USP22: variants seen among roughly 807,000 people sequenced by gnomAD.
USP22 encodes ubiquitin carboxyl-terminal hydrolase 22.
A neutral mutation model predicts 68.1 loss-of-function variants in USP22; 22 were observed. That is an observed-to-expected ratio of 0.32 (90% CI 0.23 to 0.46). The LOEUF is 0.46. Ranked by LOEUF, USP22 falls within the 20% of genes least tolerant of loss-of-function variation. The pLI, the probability that USP22 is intolerant of heterozygous loss-of-function variation, is 1.00. For missense variants in USP22, 433 were observed against 695.8 expected, an observed-to-expected ratio of 0.62 and a Z score of 4.25; for synonymous variants, 279 against 274.2, an observed-to-expected ratio of 1.02 and a Z score of -0.17.
chr17:21,023,569 C>G (rs1203736199), intron 2 of USP22, among the ~76,000 whole-genome samples: 1 of 147,732 alleles, frequency 6.8e-6, no homozygotes, highest in Non-Finnish European at 1.5e-5. Context: ...GGCTTGAGCC[C>G]GGAAGGCAGA....
rs1185536009 is a variant in USP22 at position 21,028,625 on chromosome 17, T to C, written c.221A>G (p.His74Arg). ...GAAGAAGACACAGTAGAGGCAGGAA[T>C]GCAGCCTGTTGAGGTGGACGCCACA... ...HVCGVHLNRL[H>R]SCLYCVFFGC... Residue 74 changes from histidine (H) to arginine (R), a missense_variant, in exon 2 of 13, where the codon CAT becomes CGT. Transcript: ENST00000261497. The C allele has an allele frequency of 6.2e-7, 1 of 1,613,922 alleles. No individual in the cohort carries two copies. Among genetic ancestry groups the C allele is most frequent in the Non-Finnish European group, 8.5e-7 (1 of 1,180,030 alleles).
intron 6 of USP22, 47 bp from the exon 7 acceptor site, chr17:21,012,982 G>A (rs746339761): frequency 6.3e-7 from 1 of 1,584,938 alleles, no homozygotes; most frequent in South Asian, 1.1e-5. Flanking sequence ...CCAAATATGG[G>A]GAGTCTCTAA....
At chr17:21,039,839 G>C (rs189338364) in intron 1 of USP22, among the ~76,000 whole-genome samples, 87 of 152,334 alleles carry the variant, frequency 5.7e-4, no homozygotes, top group Non-Finnish European at 1.0e-3. Context: ...GATAGGTTTT[G>C]TTGTCCAGGC....
intron 3 of USP22, 75 bp from the exon 4 acceptor site, chr17:21,019,260 TG>T: frequency 6.9e-7 from 1 of 1,443,214 alleles, no homozygotes; most frequent in East Asian, 2.3e-5. Context: ...ATAAAAGCTG[TG>T]GCGCTATGCT....
rs377386294 is a variant in USP22 at position 21,026,510 on chromosome 17, G to C, written c.304+2032C>G. ...TGCTAATTTTTAAATTTTTTGTAGA[G>C]ACAGGATTTCACCATGTTGTCCAGA... On this transcript the variant is annotated intron_variant, in intron 2 of 12. Coordinates refer to ENST00000261497, the MANE Select transcript of USP22 (RefSeq NM_015276.2). Among the ~76,000 whole-genome samples the C allele has an allele frequency of 5.9e-5, 9 of 152,110 alleles. No homozygotes were observed. In the East Asian group the frequency reaches 1.7e-3, roughly 30 times the overall value.
intron 6 of USP22, among the ~76,000 whole-genome samples, chr17:21,014,001 G>A (rs1299863659): frequency 6.6e-6 from 1 of 152,272 alleles, no homozygotes; most frequent in Non-Finnish European, 1.5e-5. Context: ...TTGAACCTGG[G>A]AGGCGGAGGT....
intron 9 of USP22, among the ~76,000 whole-genome samples, chr17:21,007,245 C>A (rs764638474): frequency 5.9e-5 from 9 of 152,158 alleles, no homozygotes; most frequent in Non-Finnish European, 1.0e-4. Flanking sequence ...AATCTTACAG[C>A]AAACCCAGCA....
At chr17:21,043,388 G>A (rs1390281263), upstream of USP22, 3 of 296,314 alleles carry the variant, frequency 1.0e-5, no homozygotes, top group Non-Finnish European at 1.9e-5. Context: ...GGACCCTGGC[G>A]GCTAGACGTT....
At chr17:21,033,882 G>A (rs1379815035) in intron 1 of USP22, among the ~76,000 whole-genome samples, 1 of 151,746 alleles carries the variant, frequency 6.6e-6, no homozygotes, top group Non-Finnish European at 1.5e-5. Context: ...CCGAGTATCT[G>A]GGACTACGGG....
intron 6 of USP22, among the ~76,000 whole-genome samples, chr17:21,013,349 T>G (rs1477295545): frequency 2.0e-5 from 3 of 152,144 alleles, no homozygotes; most frequent in Admixed American, 2.0e-4. Flanking sequence ...GGTATCATGG[T>G]GCCCCAAGTT....
intron 1 of USP22, among the ~76,000 whole-genome samples, chr17:21,035,948 G>A (rs536496834): frequency 1.9e-4 from 28 of 148,084 alleles, no homozygotes; most frequent in Admixed American, 1.4e-4. Context: ...AGAGAATGGC[G>A]TGAACCCAGG....
chr17:21,038,870 G>GT (rs1212747142), intron 1 of USP22, among the ~76,000 whole-genome samples: 1 of 152,018 alleles, frequency 6.6e-6, no homozygotes, highest in African/African-American at 2.4e-5. Flanking sequence ...CCCTGAAATG[G>GT]TAAGAAATTT....
chr17:21,012,201 T>C (rs986897325), intron 7 of USP22, among the ~76,000 whole-genome samples: 1 of 151,900 alleles, frequency 6.6e-6, no homozygotes, highest in Non-Finnish European at 1.5e-5. Context: ...GGAGGGAGGA[T>C]CGCTTGAGCC....
chr17:21,023,346 A>C (rs768852142), intron 2 of USP22, among the ~76,000 whole-genome samples: 8 of 152,134 alleles, frequency 5.3e-5, no homozygotes, highest in Non-Finnish European at 1.2e-4. Context: ...AAAAGTTAAA[A>C]TATTTTTTAA....
At chr17:21,016,776 G>A (rs1972088197) in intron 5 of USP22, among the ~76,000 whole-genome samples, 1 of 152,198 alleles carries the variant, frequency 6.6e-6, no homozygotes, top group Admixed American at 6.5e-5. Flanking sequence ...CTGGGGACTG[G>A]GGGTTGACTT....
intron 1 of USP22, among the ~76,000 whole-genome samples, chr17:21,036,648 G>A (rs1488092843): frequency 6.6e-6 from 1 of 151,984 alleles, no homozygotes; most frequent in Non-Finnish European, 1.5e-5. Flanking sequence ...TTTCTCTGCT[G>A]GACAGAGAAG....
intron 7 of USP22, chr17:21,011,600 G>A (rs1913972440): frequency 2.6e-6 from 1 of 378,246 alleles, no homozygotes; most frequent in South Asian, 2.4e-5. Flanking sequence ...TTGGGAGGAG[G>A]ATAAACTCAT....
chr17:21,010,703 T>G (rs928550399), intron 8 of USP22, among the ~76,000 whole-genome samples: 1 of 152,036 alleles, frequency 6.6e-6, no homozygotes, highest in African/African-American at 2.4e-5. Context: ...TATTATTACT[T>G]ATCCCAAATG....
intron 1 of USP22, chr17:21,042,367 A>C: frequency 8.7e-6 from 1 of 115,124 alleles, no homozygotes; most frequent in Non-Finnish European, 1.6e-5. Flanking sequence ...AAGGAGGGGG[A>C]GGGGACAGAG....
Sources: allele counts gnomAD v4.1 joint callset (sites outside exome capture counted in the v4.1 genomes callset), GRCh38; gene constraint gnomAD v4.1.1; transcripts MANE v1.5; gene names NCBI Gene and HGNC (gene_info 2026-07-23, HGNC 2026-07-21).